Variants in STK25 observed in about 807,000 individuals in gnomAD.
STK25 encodes serine/threonine kinase 25.
STK25 carries 29 observed loss-of-function variants against 53.8 expected under a neutral mutation model. The observed-to-expected ratio is 0.54, with a 90% CI of 0.40 to 0.74. The LOEUF (loss-of-function observed/expected upper bound fraction) is 0.74. STK25 is among the 30% of genes least tolerant of loss of function. The probability of loss-of-function intolerance (pLI) is 0.00; values close to 1 mark genes in which losing one functional copy is unlikely to be tolerated. For missense variants in STK25, 420 were observed against 568.0 expected (o/e 0.74, Z 2.65); for synonymous variants, 247 against 238.3 (o/e 1.04, Z -0.33).
intron 2 of STK25, among the ~76,000 whole-genome samples, chr2:241,504,963 C>T (rs2065735630): frequency 1.3e-5 from 2 of 150,878 alleles, no homozygotes; most frequent in Admixed American, 1.3e-4. Flanking sequence ...GTTGCCCAGG[C>T]TGGAGTGCAG....
rs747657689 is a variant in STK25 at position 241,494,016 on chromosome 2, A to T, written c.*1646T>A. ...GCCGCCCTCTCCTCCAGGTGGATGG[A>T]GGTGATCCAGGGGGCCAGCAGCTCA... On this transcript the variant is annotated 3_prime_UTR_variant, in exon 12 of 12. Transcript: ENST00000316586. The surrounding 1 kb of genome is among the most constrained non-coding windows in gnomAD (Gnocchi z 4.9). 5.8e-5 allele frequency: 81 copies of T among 1,392,198 alleles called. No homozygotes were observed. Among genetic ancestry groups the T allele is most frequent in the Non-Finnish European group, 7.2e-5 (77 of 1,070,526 alleles). 86.2% of individuals were successfully genotyped at this position (1,392,198 alleles called of 1,614,324 possible).
chr2:241,508,669 C>A (rs922968997), upstream of STK25: 5 of 985,718 alleles, frequency 5.1e-6, no homozygotes, highest in Non-Finnish European at 6.0e-6. Flanking sequence ...CCACTCCGGG[C>A]CCGGAAGCCT....
At chr2:241,495,724 C>CTGCG in intron 11 of STK25, 23 bp from the exon 12 acceptor site, 1 of 1,613,880 alleles carries the variant, frequency 6.2e-7, no homozygotes, top group South Asian at 1.1e-5. Flanking sequence ...GAGCCCACTG[C>CTGCG]TGCGTGCGTG....
Position 241,493,402 on chromosome 2 carries a change from A to T in STK25, c.*2260T>A, listed in dbSNP as rs777744170. The T allele has an allele frequency of 1.9e-6, 3 of 1,613,932 alleles. No homozygotes were observed. Among genetic ancestry groups the T allele is most frequent in the Non-Finnish European group, 2.5e-6 (3 of 1,179,984 alleles). The stretch of plus-strand genomic sequence containing the variant: ...GTTTTCAAGCTCCAGTTCAAATCCC[A>T]CGTCTACTTCTTCCGGGCTGAGAGC... On this transcript the variant is annotated 3_prime_UTR_variant, in exon 12 of 12. Transcript: ENST00000316586.
At position 241,501,339 on chromosome 2, in the gene STK25, G is replaced by A. The variant is rs2065498732; in HGVS notation, c.261+139C>T. The A allele has an allele frequency of 2.4e-6, 2 of 845,130 alleles. No individual in the cohort carries two copies. Among genetic ancestry groups the A allele is most frequent in the Non-Finnish European group, 3.9e-6 (2 of 517,642 alleles). 52.4% of individuals were successfully genotyped at this position (845,130 alleles called of 1,614,324 possible). ...GTGGACGAGGGCTCACACCCTGCCT[G>A]CCCAGGGCAGTTTCCCGGAGGGCAT... On this transcript the variant is annotated intron_variant, in intron 3 of 11. Transcript: ENST00000316586. This position sits in a 1 kb window ranked among gnomAD's most constrained non-coding sequence, Gnocchi z 5.3.
At chr2:241,497,436 A>C in intron 10 of STK25, 180 bp downstream of exon 10, 1 of 637,558 alleles carries the variant, frequency 1.6e-6, no homozygotes, top group Middle Eastern at 2.6e-4. Context: ...CTGGGAGTAC[A>C]AAAGGAGTCA....
In STK25 at chr2:241,498,328, C is replaced by T. The variant is rs746246824; in HGVS notation, c.939G>A (p.Gly313=). The change falls in exon 9 of 12, where the codon GGG becomes GGA. Residue 313 remains glycine, a synonymous_variant. Coordinates refer to ENST00000316586, the MANE Select transcript of STK25 (RefSeq NM_001271977.2). ...DSDIDGEAED[G]EQGPIWTFPP... ...GGAACGTCCAGATGGGGCCCTGCTC[C>T]CCGTCCTCCGCCTCGCCATCACTGA... The T allele has an allele frequency of 2.5e-6, 4 of 1,600,186 alleles. No homozygotes were observed. The highest frequency in any genetic ancestry group is 1.7e-5 in the Admixed American group (1 of 59,208).
chr2:241,499,589 G>A, intron 5 of STK25, 175 bp from the exon 6 acceptor site: 1 of 758,998 alleles, frequency 1.3e-6, no homozygotes. Flanking sequence ...GGCCACAGGG[G>A]CACTGCCAGC....
Position 241,495,627 on chromosome 2 carries a change from C to A in STK25, c.*35G>T, listed in dbSNP as rs35393467. 6.2e-7 allele frequency: 1 copy of A among 1,613,372 alleles called. No individual in the cohort carries two copies. The highest frequency in any genetic ancestry group is 1.7e-5 in the Admixed American group (1 of 60,024). ...TTATGGAGCTCAGAACAAAAACAAACGACCTTCCGTCCCCTATCTGAACAG... is the reference window on the plus strand; with the variant it reads ...TTATGGAGCTCAGAACAAAAACAAAAGACCTTCCGTCCCCTATCTGAACAG... On this transcript the variant is annotated 3_prime_UTR_variant, in exon 12 of 12. Transcript: ENST00000316586.
intron 2 of STK25, among the ~76,000 whole-genome samples, chr2:241,506,597 G>A (rs2065845872): frequency 6.6e-6 from 1 of 152,122 alleles, no homozygotes; most frequent in Non-Finnish European, 1.5e-5. Flanking sequence ...GTGAAACTCC[G>A]TCTCTACTAA....
rs1035327076 is a variant in STK25 at position 241,493,534 on chromosome 2, C to G, written c.*2128G>C. 2 of 1,235,216 alleles carry G rather than the reference C, an allele frequency of 1.6e-6. No homozygotes were observed. Among genetic ancestry groups the G allele is most frequent in the Non-Finnish European group, 2.4e-6 (2 of 849,034 alleles). The allele number at this position is 1,235,216 out of a possible 1,614,324, so 76.5% of individuals were successfully genotyped here. Reference sequence around the variant, plus strand: ...ACTCATGGTGGTGGAGGCAAGTTTTCTGGGCCCTGGAAAGGAAGGGCTGAG... The same window carrying G: ...ACTCATGGTGGTGGAGGCAAGTTTTGTGGGCCCTGGAAAGGAAGGGCTGAG... On this transcript the variant is annotated 3_prime_UTR_variant, in exon 12 of 12. Transcript: ENST00000316586.
At chr2:241,508,713 G>T, upstream of STK25, 1 of 984,942 alleles carries the variant, frequency 1.0e-6, no homozygotes, top group Non-Finnish European at 1.2e-6. Flanking sequence ...GGCAGGCTGC[G>T]CGAGAGGGGG....
At chr2:241,503,071 T>A (rs984964168) in intron 2 of STK25, among the ~76,000 whole-genome samples, 13 of 152,220 alleles carry the variant, frequency 8.5e-5, no homozygotes, top group Non-Finnish European at 7.4e-5. Context: ...GACCCTTTTT[T>A]AAATGTTTTT....
chr2:241,496,332 C>A lies in STK25; in HGVS notation c.1241+66G>T. 1 of 1,568,058 alleles carries A rather than the reference C, an allele frequency of 6.4e-7. No individual in the cohort carries two copies. Among genetic ancestry groups the A allele is most frequent in the Non-Finnish European group, 8.7e-7 (1 of 1,150,668 alleles). ...GCCACACCCACGAGTGAGCACTGGA[C>A]CTCACCCCACGTCCAGCTTCTTGGT... On this transcript the variant is annotated intron_variant, in intron 11 of 11. Coordinates refer to ENST00000316586, the MANE Select transcript of STK25 (RefSeq NM_001271977.2). This position sits in a 1 kb window ranked among gnomAD's most constrained non-coding sequence, Gnocchi z 5.8.
chr2:241,498,689 G>C lies in STK25; in HGVS notation c.867C>G (p.Arg289=). The part of the protein sequence containing the change: ...FLTELIDRYK[R]WKSEGHGEES... ...CCTCGCCATGCCCCTCTGACTTCCA[G>C]CGCTTATAGCGGTCGATGAGCTCCG... Residue 289 remains arginine (R), a synonymous_variant, in exon 8 of 12, where the codon CGC becomes CGG. Transcript: ENST00000316586. 1 of 1,614,122 alleles carries C rather than the reference G, an allele frequency of 6.2e-7. No homozygotes were observed. The highest frequency in any genetic ancestry group is 8.5e-7 in the Non-Finnish European group (1 of 1,180,030).
At chr2:241,508,682 T>A (rs2066007814), upstream of STK25, 2 of 985,694 alleles carry the variant, frequency 2.0e-6, no homozygotes, top group Admixed American at 1.2e-4. Flanking sequence ...GGAAGCCTGC[T>A]GGCGTTGGAC....
At chr2:241,502,004 A>C (rs566335563) in intron 2 of STK25, 132 of 314,364 alleles carry the variant, frequency 4.2e-4, no homozygotes, top group Non-Finnish European at 7.4e-4. Flanking sequence ...CCCATCTCTA[A>C]TACAAAAAAA....
chr2:241,498,043 C>G (rs377679417), intron 9 of STK25, among the ~76,000 whole-genome samples, 192 bp downstream of exon 9: 6 of 152,336 alleles, frequency 3.9e-5, no homozygotes, highest in African/African-American at 1.4e-4. Flanking sequence ...AGGCCCTCAT[C>G]TTCCCGGCAC....
At position 241,499,058 on chromosome 2, in the gene STK25, T is replaced by C. The variant is rs2124964364; in HGVS notation, c.702A>G (p.Thr234=). The change falls in exon 7 of 12, where the codon ACA becomes ACG. Residue 234 remains threonine (T), a synonymous_variant. Coordinates refer to ENST00000316586, the MANE Select transcript of STK25 (RefSeq NM_001271977.2). ...AGGGCTTGCTGTGCTGGCCCTCCAG[T>C]GTGGGTGGGCTGTTCTTGGGAATCA... ...LFLIPKNSPP[T]LEGQHSKPFK... The C allele has an allele frequency of 2.5e-6, 4 of 1,613,992 alleles. No homozygotes were observed. Among genetic ancestry groups the C allele is most frequent in the Middle Eastern group, 1.6e-4 (1 of 6,062 alleles).
Sources: gnomAD v4.1 joint callset for allele counts (sites outside exome capture counted in the v4.1 genomes callset) on GRCh38, gnomAD v4.1.1 for gene constraint, Gnocchi (gnomAD v3.1) non-coding constraint, MANE v1.5 for transcripts, NCBI Gene and HGNC (gene_info 2026-07-23, HGNC 2026-07-21) for gene names.